Variants in CNBD1 observed in about 807,000 individuals in gnomAD.
The protein encoded by CNBD1 is cyclic nucleotide-binding domain-containing protein 1.
CNBD1 carries 71 observed loss-of-function variants against 54.4 expected under a neutral mutation model. The observed-to-expected ratio is 1.30, with a 90% confidence interval of 1.08 to 1.59. The LOEUF (loss-of-function observed/expected upper bound fraction) is 1.59. Among genes scored for constraint, CNBD1 ranks in the 40% most tolerant of loss-of-function variants. The probability of loss-of-function intolerance (pLI) is 0.00; values close to 1 mark genes in which losing one functional copy is unlikely to be tolerated. For missense variants in CNBD1, 659 were observed against 518.0 expected (o/e 1.27, Z -2.64); for synonymous variants, 182 against 170.7 (o/e 1.07, Z -0.51).
In CNBD1 at chr8:87,115,295, A is replaced by G. The variant is rs111280190; in HGVS notation, c.432-90698A>G. Among the ~76,000 whole-genome samples, 417 of 152,340 alleles carry G rather than the reference A, an allele frequency of 2.7e-3. 3 individuals are homozygous for G. Among genetic ancestry groups the G allele is most frequent in the African/African-American group, 9.7e-3 (402 of 41,568 alleles). ...CAGTACTTATCACAATAAAATCAGT[A>G]TCTCTATTTTTAAAACCATTTCGAA... On this transcript the variant is annotated intron_variant, in intron 4 of 10. Coordinates refer to ENST00000518476, the MANE Select transcript of CNBD1 (RefSeq NM_173538.3).
intron 6 of CNBD1, among the ~76,000 whole-genome samples, chr8:87,266,436 A>ATAT (rs1712234748): frequency 2.6e-5 from 2 of 76,266 alleles, no homozygotes; most frequent in African/African-American, 4.0e-5. Context: ...AAAAAAAAAA[A>ATAT]TCTTTTTTTT....
At chr8:87,314,300 G>A (rs1212952279) in intron 8 of CNBD1, among the ~76,000 whole-genome samples, 3 of 139,632 alleles carry the variant, frequency 2.1e-5, no homozygotes, top group South Asian at 2.2e-4. Flanking sequence ...ATTCAATAAA[G>A]CATCTCATTT....
rs376004541 is a variant in CNBD1 at position 87,219,167 on chromosome 8, CTG to C, written c.577+13031_577+13032del. 2.4e-3 allele frequency among the ~76,000 whole-genome samples: 372 copies of C among 152,124 alleles called. 1 individual carries two copies. The highest frequency in any genetic ancestry group is 8.2e-3 in the African/African-American group (340 of 41,568). ...TAGACATACGTGTGTCATTTGATAACTGTCTTAAATATCTAAATATAAATCAA... is the reference window on the plus strand; with the variant it reads ...TAGACATACGTGTGTCATTTGATAACTCTTAAATATCTAAATATAAATCAA... On this transcript the variant is annotated intron_variant, in intron 5 of 10. Transcript: ENST00000518476.
At chr8:87,250,865 G>C (rs749321847) in intron 6 of CNBD1, among the ~76,000 whole-genome samples, 4 of 152,082 alleles carry the variant, frequency 2.6e-5, no homozygotes, top group Non-Finnish European at 5.9e-5. Flanking sequence ...ATGGCTAATG[G>C]GTACAAAACT....
chr8:86,969,793 T>TATATACACAC (rs1353293101), intron 4 of CNBD1, among the ~76,000 whole-genome samples: 1 of 144,480 alleles, frequency 6.9e-6, no homozygotes, highest in African/African-American at 2.6e-5. Flanking sequence ...TATATATATA[T>TATATACACAC]ACACACACAC....
chr8:87,298,258 G>T (rs2130879946), intron 8 of CNBD1, among the ~76,000 whole-genome samples: 1 of 151,750 alleles, frequency 6.6e-6, no homozygotes, highest in East Asian at 1.9e-4. Context: ...AAATTATATA[G>T]ATTCATGGTA....
intron 10 of CNBD1, among the ~76,000 whole-genome samples, chr8:87,358,349 T>C (rs1440402319): frequency 2.0e-5 from 3 of 152,196 alleles, no homozygotes; most frequent in Non-Finnish European, 4.4e-5. Flanking sequence ...TTCTGTGACA[T>C]TCAAATACAA....
At chr8:87,417,917 TAGAA>T (rs1176806907) in intron 2 of CNBD1, among the ~76,000 whole-genome samples, 4 of 151,898 alleles carry the variant, frequency 2.6e-5, no homozygotes, top group Non-Finnish European at 4.4e-5. Flanking sequence ...AAAACATAAA[TAGAA>T]AGACATTGTA....
At chr8:86,985,027 A>G (rs1024993476) in intron 4 of CNBD1, among the ~76,000 whole-genome samples, 1 of 152,084 alleles carries the variant, frequency 6.6e-6, no homozygotes, top group Non-Finnish European at 1.5e-5. Context: ...ATGTTGTGGG[A>G]GGGATCCAGT....
chr8:87,149,851 G>A (rs904533243), intron 4 of CNBD1, among the ~76,000 whole-genome samples: 2 of 152,080 alleles, frequency 1.3e-5, no homozygotes, highest in African/African-American at 4.8e-5. Context: ...CCCAAATCAT[G>A]AGAAAATAGA....
intron 8 of CNBD1, among the ~76,000 whole-genome samples, chr8:87,349,691 A>G (rs368665435): frequency 2.0e-5 from 3 of 152,092 alleles, no homozygotes; most frequent in South Asian, 2.1e-4. Flanking sequence ...TATGATTTTT[A>G]TATGTATTTG....
In CNBD1 at chr8:87,406,479, C is replaced by T. The variant is rs200005762; in HGVS notation, c.214-22067C>T. Among the ~76,000 whole-genome samples the T allele has an allele frequency of 6.6e-3, 544 of 82,692 alleles. 1 individual carries two copies. The highest frequency in any genetic ancestry group is 0.011 in the Middle Eastern group (2 of 176). 54.2% of individuals were successfully genotyped at this position (82,692 alleles called of 152,430 possible). A position where few individuals can be genotyped will look rare whatever the true frequency, so the allele number is the denominator to read the frequency against. ...ACACACACACACACACACACACACA[C>T]TTTTTTTTTTTTTTTTTTGAGACAG... On this transcript the variant is annotated intron_variant, in intron 2 of 7. Transcript: ENST00000521593.
intron 8 of CNBD1, among the ~76,000 whole-genome samples, chr8:87,299,527 G>A (rs970815859): frequency 6.6e-6 from 1 of 152,114 alleles, no homozygotes; most frequent in African/African-American, 2.4e-5. Context: ...ATAAGTCTTT[G>A]GGAACATGCA....
intron 2 of CNBD1, chr8:87,428,442 G>T: frequency 6.6e-6 from 2 of 303,014 alleles, no homozygotes; most frequent in Admixed American, 4.7e-5. Flanking sequence ...ATTTAATTTT[G>T]TCTACTATTT....
chr8:86,941,673 G>C (rs1229675463), intron 4 of CNBD1, among the ~76,000 whole-genome samples: 1 of 152,204 alleles, frequency 6.6e-6, no homozygotes, highest in Non-Finnish European at 1.5e-5. Context: ...TGTCAGGATG[G>C]AAACTACAAA....
intron 4 of CNBD1, among the ~76,000 whole-genome samples, chr8:87,091,259 A>T (rs1271561251): frequency 6.6e-6 from 1 of 152,114 alleles, no homozygotes; most frequent in East Asian, 1.9e-4. Flanking sequence ...CTGTATTTAG[A>T]CATACAGTTT....
At chr8:87,257,648 C>T (rs898169107) in intron 6 of CNBD1, among the ~76,000 whole-genome samples, 4 of 152,164 alleles carry the variant, frequency 2.6e-5, no homozygotes, top group Non-Finnish European at 2.9e-5. Flanking sequence ...CCTGGTTCTC[C>T]GTGAGTCCAT....
At chr8:87,392,336 T>C (rs1382269493) in intron 2 of CNBD1, among the ~76,000 whole-genome samples, 1 of 151,984 alleles carries the variant, frequency 6.6e-6, no homozygotes, top group South Asian at 2.1e-4. Flanking sequence ...CATATGTACA[T>C]GCAAAATCTT....
At chr8:87,133,493 ATAAGGTAGGTATAAT>A (rs1563481166) in intron 4 of CNBD1, among the ~76,000 whole-genome samples, 1 of 152,164 alleles carries the variant, frequency 6.6e-6, no homozygotes, top group East Asian at 1.9e-4. Flanking sequence ...ATAAATTACC[ATAAGGTAGGTATAAT>A]TATCCCCCAT....
Sources: allele counts gnomAD v4.1 joint callset (sites outside exome capture counted in the v4.1 genomes callset), GRCh38; gene constraint gnomAD v4.1.1; transcripts MANE v1.5; gene names NCBI Gene and HGNC (gene_info 2026-07-23, HGNC 2026-07-21).